The following TENM2 variants were observed in gnomAD, a reference collection of about 807,000 sequenced individuals.
The protein encoded by TENM2 is teneurin-2.
In TENM2, 52 loss-of-function variants were observed where a neutral mutation model predicts 245.2. That is an observed-to-expected ratio of 0.21 (90% CI 0.17 to 0.27). TENM2 has a LOEUF of 0.27. Among genes scored for constraint, TENM2 ranks in the 10% least tolerant of loss-of-function variants. TENM2 has a pLI of 1.00. For synonymous variants in TENM2, 1,363 were observed against 1,438.9 expected, an observed-to-expected ratio of 0.95 and a Z score of 1.19; for missense variants, 3,046 against 3,666.8, an observed-to-expected ratio of 0.83 and a Z score of 4.37.
chr5:167,217,442 T>G, the TENM2 span, among the ~76,000 whole-genome samples: 173 of 152,220 alleles, frequency 1.1e-3, no homozygotes, highest in Non-Finnish European at 1.9e-3. Flanking sequence ...TTGCAGCAGC[T>G]TCCAACCAAC....
intron 1 of TENM2, among the ~76,000 whole-genome samples, chr5:167,326,040 T>C (rs1344699776): frequency 6.6e-6 from 1 of 151,808 alleles, no homozygotes; most frequent in South Asian, 2.1e-4. Context: ...GAGCATGAAG[T>C]GGGGGAAGAA....
At chr5:167,840,532 C>G (rs1215477888) in intron 2 of TENM2, among the ~76,000 whole-genome samples, 2 of 152,044 alleles carry the variant, frequency 1.3e-5, no homozygotes, top group Non-Finnish European at 2.9e-5. Context: ...AACCGCGTCT[C>G]CCCTCCTTCC....
chr5:167,719,087 G>A (rs888199145), intron 2 of TENM2, among the ~76,000 whole-genome samples: 2 of 152,084 alleles, frequency 1.3e-5, no homozygotes, highest in African/African-American at 4.8e-5. Context: ...GCATTTATAT[G>A]CAAATAAAGA....
At chr5:168,226,813 A>G (rs1303210541) in intron 24 of TENM2, among the ~76,000 whole-genome samples, 2 of 152,176 alleles carry the variant, frequency 1.3e-5, no homozygotes, top group African/African-American at 2.4e-5. Flanking sequence ...CATGTTTTGC[A>G]GTCCAGGGCA....
rs1317350972 is a variant in TENM2, at chr5:167,615,660, A to G, written c.502+240187A>G. 2.4e-4 allele frequency among the ~76,000 whole-genome samples: 36 copies of G among 152,110 alleles called. 1 individual carries two copies. Among genetic ancestry groups the G allele is most frequent in the Non-Finnish European group, 7.4e-5 (5 of 68,010 alleles). The stretch of plus-strand genomic sequence containing the variant: ...AGATTTTTTTTGAACCTTTAGTACC[A>G]TCATTCAATAAACAGTCAGAATATC... On this transcript the variant is annotated intron_variant, in intron 2 of 28. Coordinates refer to ENST00000518659, the Ensembl canonical transcript of TENM2.
In TENM2 at chr5:167,328,787, A is replaced by G. The variant is rs538588769; in HGVS notation, c.226+43724A>G. Among the ~76,000 whole-genome samples, 5 of 151,778 alleles carry G rather than the reference A, an allele frequency of 3.3e-5. No homozygotes were observed. The East Asian group carries it at 9.7e-4, about 29-fold the overall frequency. On this transcript the variant is annotated intron_variant, in intron 1 of 28. Coordinates refer to ENST00000518659, the Ensembl canonical transcript of TENM2. ...GTCTTCCCTAGTCACTTATTTCCTT[A>G]TGTCCTGACCCTCCTTCTCGGTATA...
chr5:167,981,985 A>G (rs1347024981), intron 4 of TENM2, among the ~76,000 whole-genome samples: 1 of 151,136 alleles, frequency 6.6e-6, no homozygotes, highest in African/African-American at 2.4e-5. Context: ...AGACCAAAAA[A>G]AAAAAAAAAA....
rs556651281 is a variant in TENM2 at position 168,202,446 on chromosome 5, C to A, written c.3431-1243C>A. Reference sequence around the variant, plus strand: ...TGGCCCCATCTTTGGTCAGTGGGCACCTTTTCAAGCTCATTCCCAAATCCT... The same window carrying A: ...TGGCCCCATCTTTGGTCAGTGGGCAACTTTTCAAGCTCATTCCCAAATCCT... On this transcript the variant is annotated intron_variant, in intron 17 of 28. Coordinates refer to ENST00000518659, the Ensembl canonical transcript of TENM2. Among the ~76,000 whole-genome samples the A allele has an allele frequency of 2.7e-4, 41 of 151,150 alleles. 1 individual carries two copies. The highest frequency in any genetic ancestry group is 4.7e-4 in the Non-Finnish European group (32 of 67,904).
intron 2 of TENM2, among the ~76,000 whole-genome samples, chr5:167,438,898 C>T (rs1443342154): frequency 6.6e-6 from 1 of 151,352 alleles, no homozygotes; most frequent in African/African-American, 2.4e-5. Context: ...AGTTCAAGCA[C>T]TTCTCCTGCC....
the TENM2 span, among the ~76,000 whole-genome samples, chr5:167,209,711 A>G: frequency 1.1e-3 from 174 of 152,006 alleles, no homozygotes; most frequent in African/African-American, 4.1e-3. Context: ...CATTCCCCCA[A>G]TTCTGTTGAA....
the TENM2 span, among the ~76,000 whole-genome samples, chr5:167,097,614 A>G: frequency 6.6e-6 from 1 of 152,190 alleles, no homozygotes; most frequent in African/African-American, 2.4e-5. Flanking sequence ...TATGTACGTT[A>G]ACATCCAACA....
At chr5:167,382,677 A>G (rs553673050) in intron 2 of TENM2, among the ~76,000 whole-genome samples, 6 of 152,214 alleles carry the variant, frequency 3.9e-5, no homozygotes, top group Non-Finnish European at 8.8e-5. Context: ...TTCTGAGGGG[A>G]ATAAAAAAGA....
Position 167,718,667 on chromosome 5 carries a change from A to ATAT in TENM2, c.503-157315_503-157313dup, listed in dbSNP as rs1173468670. On this transcript the variant is annotated intron_variant, in intron 2 of 28. Transcript: ENST00000518659. The stretch of plus-strand genomic sequence containing the variant: ...TGGAAAGAATATGGGTTTTGAGGTC[A>ATAT]TATTATAGATCGGGATTCATACAAA... 2.0e-5 allele frequency among the ~76,000 whole-genome samples: 3 copies of ATAT among 152,348 alleles called. No individual in the cohort carries two copies. The East Asian group carries it at 5.8e-4, about 29-fold the overall frequency.
chr5:167,537,312 A>G (rs1351866312), intron 2 of TENM2, among the ~76,000 whole-genome samples: 1 of 151,968 alleles, frequency 6.6e-6, no homozygotes, highest in Non-Finnish European at 1.5e-5. Context: ...TGCAAAGCTA[A>G]GAGAACAATG....
chr5:167,483,962 T>A (rs1004763075), intron 2 of TENM2, among the ~76,000 whole-genome samples: 6 of 152,218 alleles, frequency 3.9e-5, no homozygotes, highest in African/African-American at 1.4e-4. Context: ...TAATTATGTA[T>A]ACATACTTAA....
At chr5:168,167,558 G>A (rs1560654) in intron 13 of TENM2, among the ~76,000 whole-genome samples, 48,742 of 151,978 alleles carry the variant, frequency 0.32, 8,938 homozygotes, top group East Asian at 0.61. Flanking sequence ...GGTAGGGTAG[G>A]AGGAAGCCTT....
At chr5:167,347,777 C>T (rs1434411829) in intron 1 of TENM2, among the ~76,000 whole-genome samples, 1 of 151,778 alleles carries the variant, frequency 6.6e-6, no homozygotes, top group Admixed American at 6.6e-5. Flanking sequence ...TATGAAAAAC[C>T]TTCTATTTAT....
At chr5:167,616,020 A>G (rs1777769174) in intron 2 of TENM2, among the ~76,000 whole-genome samples, 1 of 152,190 alleles carries the variant, frequency 6.6e-6, no homozygotes, top group African/African-American at 2.4e-5. Flanking sequence ...AAATCATTTA[A>G]TTAAATTCCA....
At chr5:167,361,271 C>T (rs1273650337) in intron 1 of TENM2, among the ~76,000 whole-genome samples, 5 of 152,094 alleles carry the variant, frequency 3.3e-5, no homozygotes, top group African/African-American at 4.8e-5. Context: ...TTGTAATTAA[C>T]GAGTGTTAAT....
Sources: allele counts gnomAD v4.1 joint callset (sites outside exome capture counted in the v4.1 genomes callset), GRCh38; gene constraint gnomAD v4.1.1; transcripts MANE v1.5; gene names NCBI Gene and HGNC (gene_info 2026-07-23, HGNC 2026-07-21).